Variants in ADGRB3 observed in about 807,000 individuals in gnomAD.
The protein encoded by ADGRB3 is brain-specific angiogenesis inhibitor 3.
ADGRB3 carries 37 observed loss-of-function variants against 193.4 expected under a neutral mutation model. The ratio of observed to expected loss-of-function variants is 0.19; its 90% CI spans 0.15 to 0.25. The LOEUF (loss-of-function observed/expected upper bound fraction) is 0.25. Among genes scored for constraint, ADGRB3 ranks in the 10% least tolerant of loss-of-function variants. ADGRB3 has a pLI of 1.00. For missense variants in ADGRB3, 1,637 were observed against 1,852.9 expected, an observed-to-expected ratio of 0.88 and a Z score of 2.14; for synonymous variants, 690 against 644.2, an observed-to-expected ratio of 1.07 and a Z score of -1.08.
intron 3 of ADGRB3, among the ~76,000 whole-genome samples, chr6:68,802,302 A>T (rs955564483): frequency 6.6e-6 from 1 of 152,092 alleles, no homozygotes; most frequent in African/African-American, 2.4e-5. Flanking sequence ...TACTCTTGGA[A>T]ACAAGAGCAG....
intron 4 of ADGRB3, among the ~76,000 whole-genome samples, chr6:68,932,237 A>G (rs1767358457): frequency 6.6e-6 from 1 of 152,166 alleles, no homozygotes; most frequent in African/African-American, 2.4e-5. Context: ...TAAAAATTGG[A>G]GTCAATAGGA....
At chr6:69,243,865 T>A (rs1766434531) in intron 20 of ADGRB3, among the ~76,000 whole-genome samples, 1 of 151,982 alleles carries the variant, frequency 6.6e-6, no homozygotes, top group Non-Finnish European at 1.5e-5. Context: ...ATATATAGTA[T>A]CATACTGAAA....
At chr6:69,079,175 A>G (rs1353046714) in intron 17 of ADGRB3, among the ~76,000 whole-genome samples, 1 of 152,066 alleles carries the variant, frequency 6.6e-6, no homozygotes, top group East Asian at 1.9e-4. Context: ...CTATCATTAG[A>G]CAAAACATCT....
intron 17 of ADGRB3, among the ~76,000 whole-genome samples, chr6:69,208,231 T>C (rs1333402263): frequency 1.3e-5 from 2 of 152,190 alleles, no homozygotes; most frequent in Non-Finnish European, 2.9e-5. Context: ...TTTTATCCAC[T>C]TGATTATCAA....
Position 69,219,751 on chromosome 6 carries a change from C to T in ADGRB3, c.2481-13539C>T, listed in dbSNP as rs140684389. On this transcript the variant is annotated intron_variant, in intron 17 of 31. Coordinates refer to ENST00000370598, the MANE Select transcript of ADGRB3 (RefSeq NM_001704.3). ...AGTATCTATGTGGATTATTAATGCT[C>T]ACATCTTAGAGAAAACTTGAGCTAT... is the stretch of plus-strand genomic sequence containing the variant. 3.0e-3 allele frequency among the ~76,000 whole-genome samples: 450 copies of T among 151,700 alleles called. 1 individual carries two copies. The highest frequency in any genetic ancestry group is 5.1e-3 in the Admixed American group (78 of 15,190).
intron 3 of ADGRB3, among the ~76,000 whole-genome samples, chr6:68,845,665 A>C (rs1768259315): frequency 6.6e-6 from 1 of 152,056 alleles, no homozygotes; most frequent in Non-Finnish European, 1.5e-5. Context: ...CTTCTTCCTC[A>C]TCCTTTCTTG....
intron 3 of ADGRB3, among the ~76,000 whole-genome samples, chr6:68,830,067 C>T (rs910376024): frequency 5.3e-5 from 8 of 152,050 alleles, no homozygotes; most frequent in Non-Finnish European, 8.8e-5. Flanking sequence ...TAAAAAGCAC[C>T]ATCCAAGTTT....
chr6:69,336,674 T>C (rs772742496), intron 24 of ADGRB3, among the ~76,000 whole-genome samples: 6 of 152,060 alleles, frequency 3.9e-5, no homozygotes, highest in Non-Finnish European at 7.4e-5. Context: ...GGTGGGTATA[T>C]TGGTTAAATT....
chr6:68,797,533 G>A (rs1184186967), intron 3 of ADGRB3, among the ~76,000 whole-genome samples: 2 of 152,240 alleles, frequency 1.3e-5, no homozygotes, highest in Non-Finnish European at 2.9e-5. Context: ...TCTTTGGAAA[G>A]TAGGGAAGTC....
At position 68,709,402 on chromosome 6, in the gene ADGRB3, CATG is replaced by C. The variant is rs577731461; in HGVS notation, c.757+69974_757+69976del. 3.2e-3 allele frequency among the ~76,000 whole-genome samples: 491 copies of C among 152,234 alleles called. 3 individuals are homozygous for C. Among genetic ancestry groups the C allele is most frequent in the African/African-American group, 0.011 (465 of 41,552 alleles). ...TGCAAAAATTATAATACTTAAATGA[CATG>C]ATGTTTTCATCCCTCACAAAAATGC... On this transcript the variant is annotated intron_variant, in intron 3 of 31. Transcript: ENST00000370598.
chr6:68,689,403 G>C (rs1456994861), intron 3 of ADGRB3, among the ~76,000 whole-genome samples: 2 of 152,164 alleles, frequency 1.3e-5, no homozygotes, highest in Admixed American at 1.3e-4. Flanking sequence ...CAGTTCATAG[G>C]GTACAAAGCA....
At chr6:68,696,007 G>C (rs914880233) in intron 3 of ADGRB3, among the ~76,000 whole-genome samples, 7 of 152,024 alleles carry the variant, frequency 4.6e-5, no homozygotes, top group Non-Finnish European at 7.4e-5. Context: ...CGACCCAAAG[G>C]GGGTAGTCTC....
intron 26 of ADGRB3, among the ~76,000 whole-genome samples, chr6:69,342,500 A>G (rs753548656): frequency 6.6e-6 from 1 of 152,144 alleles, no homozygotes; most frequent in Non-Finnish European, 1.5e-5. Flanking sequence ...CCCAAGGAAG[A>G]TATCATAGGA....
intron 17 of ADGRB3, among the ~76,000 whole-genome samples, chr6:69,165,803 A>G (rs1475035522): frequency 6.6e-6 from 1 of 152,060 alleles, no homozygotes; most frequent in Non-Finnish European, 1.5e-5. Context: ...TAACCATTTT[A>G]TATGCATAAG....
intron 17 of ADGRB3, among the ~76,000 whole-genome samples, chr6:69,140,238 G>A (rs929240928): frequency 6.6e-6 from 1 of 152,200 alleles, no homozygotes; most frequent in Admixed American, 6.5e-5. Flanking sequence ...GGTTAAATAT[G>A]ACAGTTCATG....
At chr6:69,373,310 T>C (rs1465030968) in intron 30 of ADGRB3, among the ~76,000 whole-genome samples, 1 of 152,040 alleles carries the variant, frequency 6.6e-6, no homozygotes, top group East Asian at 1.9e-4. Context: ...CTACTCCTAA[T>C]TCAGTCGTTT....
intron 20 of ADGRB3, among the ~76,000 whole-genome samples, chr6:69,240,528 T>G (rs1766363614): frequency 6.6e-6 from 1 of 150,786 alleles, no homozygotes; most frequent in Non-Finnish European, 1.5e-5. Flanking sequence ...AAATACAAAG[T>G]AAAGAAAAAA....
intron 3 of ADGRB3, among the ~76,000 whole-genome samples, chr6:68,746,802 G>A (rs1249372292): frequency 6.6e-6 from 1 of 151,760 alleles, no homozygotes; most frequent in African/African-American, 2.4e-5. Flanking sequence ...ATTTAATATT[G>A]TTTGGAGATA....
At chr6:68,645,239 T>C (rs1768181366) in intron 3 of ADGRB3, among the ~76,000 whole-genome samples, 1 of 152,144 alleles carries the variant, frequency 6.6e-6, no homozygotes, top group Non-Finnish European at 1.5e-5. Context: ...TAATTTGCTG[T>C]TCCTTATAAT....
Sources: gnomAD v4.1 joint callset for allele counts (sites outside exome capture counted in the v4.1 genomes callset) on GRCh38, gnomAD v4.1.1 for gene constraint, MANE v1.5 for transcripts, NCBI Gene and HGNC (gene_info 2026-07-23, HGNC 2026-07-21) for gene names.